The following PCBP3 variants were observed in gnomAD, a reference collection of about 807,000 sequenced individuals.
PCBP3 encodes poly(rC)-binding protein 3.
A neutral mutation model predicts 52.7 loss-of-function variants in PCBP3; 25 were observed. The observed-to-expected ratio is 0.47, with a 90% CI of 0.35 to 0.66. The LOEUF (loss-of-function observed/expected upper bound fraction) is 0.66. Ranked by LOEUF, PCBP3 falls within the 30% of genes least tolerant of loss-of-function variation. The pLI is 0.01. For missense variants in PCBP3, 391 were observed against 490.3 expected, an observed-to-expected ratio of 0.80 and a Z score of 1.91; for synonymous variants, 162 against 183.0, an observed-to-expected ratio of 0.89 and a Z score of 0.93.
intron 4 of PCBP3, among the ~76,000 whole-genome samples, chr21:45,839,340 A>G (rs1398592802): frequency 6.6e-6 from 1 of 152,174 alleles, no homozygotes; most frequent in Non-Finnish European, 1.5e-5. Context: ...ATGGTTACAT[A>G]TTATCCTGTC....
rs1440055390 is a variant in PCBP3, at chr21:45,837,717, G to A, written c.-125-12244G>A. Reference sequence around the variant, plus strand: ...GATTTATTTTTCCTGTGAGGCGAGCGAGCTTCCTAGGTGGCACTGCACGTT... The same window carrying A: ...GATTTATTTTTCCTGTGAGGCGAGCAAGCTTCCTAGGTGGCACTGCACGTT... On this transcript the variant is annotated intron_variant, in intron 4 of 17. Transcript: ENST00000681687. The surrounding 1 kb of genome is among the most constrained non-coding windows in gnomAD (Gnocchi z 4.1). 6.6e-6 allele frequency among the ~76,000 whole-genome samples: 1 copy of A among 152,164 alleles called. No individual in the cohort carries two copies. Among genetic ancestry groups the A allele is most frequent in the Non-Finnish European group, 1.5e-5 (1 of 68,028 alleles).
chr21:45,734,447 G>A (rs2085700107), intron 2 of PCBP3, among the ~76,000 whole-genome samples: 1 of 152,188 alleles, frequency 6.6e-6, no homozygotes, highest in South Asian at 2.1e-4. Flanking sequence ...TCTAATTCTA[G>A]CTTTTGCCTC....
chr21:45,929,123 G>T (rs559446652), intron 13 of PCBP3, among the ~76,000 whole-genome samples: 12 of 152,344 alleles, frequency 7.9e-5, no homozygotes, highest in Admixed American at 7.2e-4. Context: ...AAGAAATGAG[G>T]CTCAGGTAAA....
At position 45,654,798 on chromosome 21, in the gene PCBP3, C is replaced by T. The variant is rs539652598; in HGVS notation, c.-279+10930C>T. On this transcript the variant is annotated intron_variant, in intron 1 of 17. Transcript: ENST00000681687. ...TTTTTGGTGTATTTTCAAGGTCATG[C>T]AACTGTCATTACTACATAATTCCAG... Among the ~76,000 whole-genome samples the T allele has an allele frequency of 4.6e-5, 7 of 152,222 alleles. No homozygotes were observed. In the East Asian group the frequency reaches 1.2e-3, roughly 25 times the overall value.
chr21:45,905,490 G>C (rs1256821026), intron 9 of PCBP3, among the ~76,000 whole-genome samples: 17 of 152,244 alleles, frequency 1.1e-4, no homozygotes. Flanking sequence ...GAGAGAGCCA[G>C]GTCAGCGGCA....
At chr21:45,756,937 T>G (rs1407444589) in intron 4 of PCBP3, among the ~76,000 whole-genome samples, 1 of 152,230 alleles carries the variant, frequency 6.6e-6, no homozygotes, top group Non-Finnish European at 1.5e-5. Context: ...ACTTTTTGGG[T>G]ATTTAGTTTG....
intron 4 of PCBP3, among the ~76,000 whole-genome samples, chr21:45,841,881 C>T (rs2093706366): frequency 1.3e-5 from 2 of 152,218 alleles, no homozygotes; most frequent in South Asian, 4.1e-4. Context: ...ACTTCCAACT[C>T]AGGAGGGCTC....
chr21:45,765,478 C>T (rs1407063117), intron 4 of PCBP3, among the ~76,000 whole-genome samples: 1 of 152,222 alleles, frequency 6.6e-6, no homozygotes, highest in Non-Finnish European at 1.5e-5. Flanking sequence ...TCAGCAGCTA[C>T]AGTGAGGAGC....
At chr21:45,883,882 T>TA (rs1389784505) in intron 5 of PCBP3, among the ~76,000 whole-genome samples, 1 of 152,238 alleles carries the variant, frequency 6.6e-6, no homozygotes, top group Non-Finnish European at 1.5e-5. Flanking sequence ...TACTTAAAGT[T>TA]ATTACGGTAT....
At chr21:45,819,417 G>A (rs2093061325) in intron 4 of PCBP3, among the ~76,000 whole-genome samples, 1 of 152,232 alleles carries the variant, frequency 6.6e-6, no homozygotes, top group South Asian at 2.1e-4. Flanking sequence ...AGAACACACA[G>A]TCTAATTTTG....
At chr21:45,705,713 T>G (rs553870243) in intron 2 of PCBP3, among the ~76,000 whole-genome samples, 1 of 152,178 alleles carries the variant, frequency 6.6e-6, no homozygotes, top group Non-Finnish European at 1.5e-5. Context: ...GGCATGAGGG[T>G]CACATATGGT....
At chr21:45,809,774 C>CT (rs1217834123) in intron 4 of PCBP3, among the ~76,000 whole-genome samples, 2 of 152,212 alleles carry the variant, frequency 1.3e-5, no homozygotes, top group Non-Finnish European at 2.9e-5. Flanking sequence ...AGGAAGCCAA[C>CT]TGATGAGGTT....
At chr21:45,924,111 C>T (rs1321759604) in intron 13 of PCBP3, among the ~76,000 whole-genome samples, 27 of 92,818 alleles carry the variant, frequency 2.9e-4, no homozygotes, top group Non-Finnish European at 5.0e-4. Context: ...CGGGAACAGT[C>T]GAGTGGGTAG....
At chr21:45,716,089 G>A (rs1428876050) in intron 2 of PCBP3, among the ~76,000 whole-genome samples, 1 of 151,938 alleles carries the variant, frequency 6.6e-6, no homozygotes, top group African/African-American at 2.4e-5. Context: ...TATTCTAAGA[G>A]CTTCAATAGG....
rs1185113707 is a variant in PCBP3 at position 45,669,786 on chromosome 21, A to ATT, written c.-200+835_-200+836dup. Among the ~76,000 whole-genome samples, 57 of 84,434 alleles carry ATT rather than the reference A, an allele frequency of 6.8e-4. No homozygotes were observed. In the East Asian group the frequency reaches 0.011, roughly 16 times the overall value. The allele number at this position is 84,434 out of a possible 152,430, so 55.4% of individuals were successfully genotyped here. ...CCTTTTTAAGACTGAATAATATTCCATTGTGTGTGTGTGTGTGTGTATATA... is the reference window on the plus strand; with the variant it reads ...CCTTTTTAAGACTGAATAATATTCCATTTTGTGTGTGTGTGTGTGTGTATATA... On this transcript the variant is annotated intron_variant, in intron 2 of 17. Coordinates refer to ENST00000681687, the MANE Select transcript of PCBP3 (RefSeq NM_001384156.1).
rs576487062 is a variant in PCBP3 at position 45,924,839 on chromosome 21, T to C, written c.718-5078T>C. Among the ~76,000 whole-genome samples the C allele has an allele frequency of 4.8e-3, 61 of 12,630 alleles. 2 individuals carry two copies. Among genetic ancestry groups the C allele is most frequent in the African/African-American group, 0.036 (25 of 702 alleles). The allele number at this position is 12,630 out of a possible 152,430, so 8.3% of individuals were successfully genotyped here. ...GAGATGCGAACACCGGGAACAGTCGTGTGGGTAGAAACAGCACACGTAAGA... is the reference window on the plus strand; with the variant it reads ...GAGATGCGAACACCGGGAACAGTCGCGTGGGTAGAAACAGCACACGTAAGA... On this transcript the variant is annotated intron_variant, in intron 13 of 17. Transcript: ENST00000681687.
At chr21:45,815,771 GTGAGTGA>G (rs1236841050) in intron 4 of PCBP3, among the ~76,000 whole-genome samples, 6 of 95,414 alleles carry the variant, frequency 6.3e-5, no homozygotes, top group Middle Eastern at 7.7e-3. Context: ...TGAGTGAGTG[GTGAGTGA>G]TGAGTGGTGA....
intron 4 of PCBP3, chr21:45,828,961 T>C (rs2093377473): frequency 6.6e-6 from 1 of 152,384 alleles, no homozygotes. Flanking sequence ...GTGCCAGCGG[T>C]GTGGACAGAA....
intron 4 of PCBP3, among the ~76,000 whole-genome samples, chr21:45,844,502 G>A (rs11910741): frequency 0.021 from 3,250 of 152,260 alleles, 131 homozygotes; most frequent in African/African-American, 0.073. Flanking sequence ...AGAATTCAGC[G>A]TGGCTGGAGG....
Sources: gnomAD v4.1 joint callset for allele counts (sites outside exome capture counted in the v4.1 genomes callset) on GRCh38, gnomAD v4.1.1 for gene constraint, Gnocchi (gnomAD v3.1) non-coding constraint, MANE v1.5 for transcripts, NCBI Gene and HGNC (gene_info 2026-07-23, HGNC 2026-07-21) for gene names.